TNKS1BP1: variants seen among roughly 807,000 people sequenced by gnomAD.
TNKS1BP1 encodes the protein CCR4-NOT transcription complex subunit 12.
TNKS1BP1 carries 48 observed loss-of-function variants against 141.1 expected under a neutral mutation model. The ratio of observed to expected loss-of-function variants is 0.34; its 90% CI spans 0.27 to 0.43. The LOEUF is 0.43. Among genes scored for constraint, TNKS1BP1 ranks in the 20% least tolerant of loss-of-function variants. TNKS1BP1 has a pLI of 1.00. For missense variants in TNKS1BP1, 2,149 were observed against 2,226.0 expected (o/e 0.97, Z 0.70); for synonymous variants, 875 against 898.2 (o/e 0.97, Z 0.46).
chr11:57,314,272 A>G (rs916589821), intron 4 of TNKS1BP1, among the ~76,000 whole-genome samples: 7 of 152,178 alleles, frequency 4.6e-5, no homozygotes, highest in Non-Finnish European at 8.8e-5. Context: ...CTGGCTCTTG[A>G]AGCACCTCAG....
intron 4 of TNKS1BP1, among the ~76,000 whole-genome samples, chr11:57,315,302 C>G (rs938614098): frequency 4.0e-5 from 6 of 151,846 alleles, no homozygotes; most frequent in African/African-American, 1.5e-4. Flanking sequence ...TCTCATAGCA[C>G]AGCCCCTTAA....
chr11:57,304,064 A>T (rs1268961653), intron 6 of TNKS1BP1, among the ~76,000 whole-genome samples: 7 of 151,850 alleles, frequency 4.6e-5, no homozygotes, highest in Admixed American at 4.6e-4. Flanking sequence ...CACCCACCAC[A>T]TCTACAGGCA....
Position 57,302,117 on chromosome 11 carries a change from C to G in TNKS1BP1, c.4791G>C (p.Ser1597=). 1 of 1,613,918 alleles carries G rather than the reference C, an allele frequency of 6.2e-7. No homozygotes were observed. The highest frequency in any genetic ancestry group is 1.1e-5 in the South Asian group (1 of 91,076). Residue 1597 remains serine (S), a synonymous_variant, in exon 8 of 12, where the codon TCG becomes TCC. Transcript: ENST00000358252. The surrounding 1 kb of genome is among the most constrained non-coding windows in gnomAD (Gnocchi z 5.5). ...GGTGTGCATCCGAGTCTGCTGCCTCCGACAGGCCCAAGGTACCCCCAGGCC... is the reference window on the plus strand; with the variant it reads ...GGTGTGCATCCGAGTCTGCTGCCTCGGACAGGCCCAAGGTACCCCCAGGCC... The part of the protein sequence containing the change: ...VIRPGGTLGL[S]EAADSDAHLF...
At chr11:57,316,872 G>A (rs556331050) in intron 4 of TNKS1BP1, among the ~76,000 whole-genome samples, 1 of 152,196 alleles carries the variant, frequency 6.6e-6, no homozygotes, top group South Asian at 2.1e-4. Flanking sequence ...CCTTCAAATG[G>A]CCTGTTGCTC....
chr11:57,314,838 T>C (rs1855773842), intron 4 of TNKS1BP1, among the ~76,000 whole-genome samples: 2 of 152,090 alleles, frequency 1.3e-5, no homozygotes, highest in Admixed American at 1.3e-4. Context: ...TTCTCCCACA[T>C]CATCACCTAC....
rs145901431 is a variant in TNKS1BP1 at position 57,313,464 on chromosome 11, C to A, written c.1224G>T (p.Gly408=). ...GTGCGTCACCCTTGGCCTCCTCCTC[C>A]CCGCCAGATGGAAACGTCCGAGTGA... is the stretch of plus-strand genomic sequence containing the variant. The part of the protein sequence containing the change: ...LDLTRTFPSG[G]EEEAKGDAHL... The change falls in exon 5 of 12, where the codon GGG becomes GGT. Residue 408 remains glycine (G), a synonymous_variant. Transcript: ENST00000358252. The A allele has an allele frequency of 2.7e-3, 4,371 of 1,592,516 alleles. 15 individuals are homozygous for A. The highest frequency in any genetic ancestry group is 5.4e-3 in the Middle Eastern group (32 of 5,958).
chr11:57,313,224 G>T lies in TNKS1BP1; in HGVS notation c.1464C>A (p.Gly488=). Residue 488 remains glycine, a synonymous_variant, in exon 5 of 12, where the codon GGC becomes GGA. Coordinates refer to ENST00000358252, the MANE Select transcript of TNKS1BP1 (RefSeq NM_033396.3). ...WTFPTRPSGL[G]VWRLDSPPPS... ...GAGGCGGGGAGTCCAGCCGCCACAC[G>T]CCCAGACCCGAGGGCCTCGTGGGGA... 3.7e-6 allele frequency: 6 copies of T among 1,612,694 alleles called. No individual in the cohort carries two copies. The highest frequency in any genetic ancestry group is 3.4e-6 in the Non-Finnish European group (4 of 1,180,000).
Position 57,320,415 on chromosome 11 carries a change from G to A in TNKS1BP1, c.392C>T (p.Thr131Ile). 2 of 1,610,416 alleles carry A rather than the reference G, an allele frequency of 1.2e-6. No individual in the cohort carries two copies. The highest frequency in any genetic ancestry group is 2.2e-5 in the East Asian group (1 of 44,788). The change falls in exon 3 of 12, where the codon ACA (threonine) becomes ATA (isoleucine). Residue 131 changes from threonine to isoleucine, a missense_variant. Coordinates refer to ENST00000358252, the MANE Select transcript of TNKS1BP1 (RefSeq NM_033396.3). ...EAGKEEPPPL[T>I]PPARCAAPGG... ...TGGGGCTGCACATCGAGCTGGGGGT[G>A]TCAAAGGGGGTGGCTCCTCTTTCCC... is the stretch of plus-strand genomic sequence containing the variant.
chr11:57,320,828 C>A (rs182945642), intron 2 of TNKS1BP1, 116 bp from the exon 3 acceptor site: 110 of 1,268,676 alleles, frequency 8.7e-5, no homozygotes, highest in Non-Finnish European at 1.1e-4. Context: ...TCACATCTTT[C>A]TAGGCACAAG....
At chr11:57,314,582 G>A (rs1424473544) in intron 4 of TNKS1BP1, among the ~76,000 whole-genome samples, 1 of 152,204 alleles carries the variant, frequency 6.6e-6, no homozygotes, top group Non-Finnish European at 1.5e-5. Flanking sequence ...AGGGCTGGTG[G>A]CAACAATGCT....
chr11:57,306,285 CAA>C (rs1554961714), intron 6 of TNKS1BP1, among the ~76,000 whole-genome samples: 5 of 122,444 alleles, frequency 4.1e-5, no homozygotes, highest in Middle Eastern at 4.5e-3. Context: ...GACTCCGTTT[CAA>C]AAAAAAAAAG....
chr11:57,318,871 G>C (rs565406172), intron 3 of TNKS1BP1, among the ~76,000 whole-genome samples: 1 of 152,192 alleles, frequency 6.6e-6, no homozygotes, highest in African/African-American at 2.4e-5. Flanking sequence ...CTCGCAGGGC[G>C]CAGTGGCTCA....
intron 6 of TNKS1BP1, among the ~76,000 whole-genome samples, chr11:57,306,914 GTTGGGT>G (rs1855621519): frequency 1.2e-5 from 1 of 86,588 alleles, no homozygotes. Flanking sequence ...GGGGGGGGGG[GTTGGGT>G]GGGAGGGGGG....
intron 9 of TNKS1BP1, among the ~76,000 whole-genome samples, chr11:57,301,359 C>G (rs1787451126): frequency 6.6e-6 from 1 of 152,112 alleles, no homozygotes; most frequent in African/African-American, 2.4e-5. Flanking sequence ...GCTCCAGGAG[C>G]CAACTCCTGT....
chr11:57,314,347 T>C (rs1029290988), intron 4 of TNKS1BP1, among the ~76,000 whole-genome samples: 1 of 152,182 alleles, frequency 6.6e-6, no homozygotes, highest in African/African-American at 2.4e-5. Context: ...GCAGTGCAGC[T>C]ACAGAGCAGC....
At position 57,308,839 on chromosome 11, in the gene TNKS1BP1, G is replaced by A. The variant is rs753594699; in HGVS notation, c.3872C>T (p.Ala1291Val). ...WTPDLGLRNM[A>V]PGAVCSPGES... ...TCCAGGACTGCAGACTGCCCCTGGG[G>A]CCATGTTTCTCAGCCCAAGGTCAGG... The change falls in exon 6 of 12, where the codon GCC becomes GTC. Residue 1291 changes from alanine (A) to valine (V), a missense_variant. Coordinates refer to ENST00000358252, the MANE Select transcript of TNKS1BP1 (RefSeq NM_033396.3). 1.9e-6 allele frequency: 3 copies of A among 1,613,924 alleles called. No homozygotes were observed. The highest frequency in any genetic ancestry group is 1.1e-5 in the South Asian group (1 of 91,082).
chr11:57,308,299 G>A, intron 6 of TNKS1BP1, 96 bp downstream of exon 6: 1 of 1,495,586 alleles, frequency 6.7e-7, no homozygotes, highest in African/African-American at 1.4e-5. Flanking sequence ...AAAGTCCTCA[G>A]GAAAAACTGT....
Position 57,308,768 on chromosome 11 carries a change from G to C in TNKS1BP1, c.3943C>G (p.Leu1315Val). The C allele has an allele frequency of 6.2e-7, 1 of 1,614,000 alleles. No individual in the cohort carries two copies. The highest frequency in any genetic ancestry group is 2.2e-5 in the East Asian group (1 of 44,870). Residue 1315 changes from leucine (L) to valine (V), a missense_variant, in exon 6 of 12, where the codon CTG (leucine) becomes GTG (valine). Transcript: ENST00000358252. ...GVGQMDWGNN[L>V]GLRDLEVTCD... ...GTCACCTCCAAATCCCTCAGGCCCA[G>C]ATTGTTACCCCAGTCCATCTGGCCC...
chr11:57,315,181 C>G (rs1030353903), intron 4 of TNKS1BP1, among the ~76,000 whole-genome samples: 1 of 152,134 alleles, frequency 6.6e-6, no homozygotes, highest in African/African-American at 2.4e-5. Context: ...CTCATCCTTA[C>G]CAGTGGCTGC....
Sources: allele counts gnomAD v4.1 joint callset (sites outside exome capture counted in the v4.1 genomes callset), GRCh38; gene constraint gnomAD v4.1.1; non-coding constraint Gnocchi (gnomAD v3.1); transcripts MANE v1.5; gene names NCBI Gene and HGNC (gene_info 2026-07-23, HGNC 2026-07-21).